NUP107: variants seen among roughly 807,000 people sequenced by gnomAD.
The protein encoded by NUP107 is nuclear pore complex protein Nup107.
Under a neutral mutation model 141.0 loss-of-function variants are expected in NUP107, and 101 were observed. The observed-to-expected ratio is 0.72, with a 90% CI of 0.61 to 0.84. The LOEUF (loss-of-function observed/expected upper bound fraction) is 0.84, where lower values mean the gene tolerates loss of function less well. Among genes scored for constraint, NUP107 ranks in the 40% least tolerant of loss-of-function variants. The probability of loss-of-function intolerance (pLI) is 0.00; values close to 1 mark genes in which losing one functional copy is unlikely to be tolerated. For missense variants in NUP107, 941 were observed against 1,102.7 expected (o/e 0.85, Z 2.08); for synonymous variants, 319 against 363.9 (o/e 0.88, Z 1.41).
At chr12:68,728,417 CTG>C (rs1354319078) in intron 20 of NUP107, among the ~76,000 whole-genome samples, 3 of 137,690 alleles carry the variant, frequency 2.2e-5, no homozygotes, top group Non-Finnish European at 4.6e-5. Context: ...CAGCGAAAAC[CTG>C]TCTTTTTTTT....
chr12:68,698,868 A>T (rs575205074), intron 6 of NUP107, among the ~76,000 whole-genome samples: 1 of 152,206 alleles, frequency 6.6e-6, no homozygotes, highest in Non-Finnish European at 1.5e-5. Context: ...ACATGTCAGT[A>T]TACATTTATC....
chr12:68,712,944 A>G (rs993507056), intron 10 of NUP107, among the ~76,000 whole-genome samples: 7 of 152,240 alleles, frequency 4.6e-5, no homozygotes, highest in Admixed American at 6.5e-5. Context: ...GCTAAAAACC[A>G]TAAAGCTTTT....
At chr12:68,721,509 T>C (rs1877348142) in intron 15 of NUP107, among the ~76,000 whole-genome samples, 1 of 152,172 alleles carries the variant, frequency 6.6e-6, no homozygotes, top group African/African-American at 2.4e-5. Context: ...CAGTGAGTCC[T>C]TGGGTTGTCT....
At chr12:68,731,409 A>G (rs534544895) in intron 21 of NUP107, 149 bp downstream of exon 21, 18 of 821,400 alleles carry the variant, frequency 2.2e-5, no homozygotes, top group East Asian at 1.2e-4. Context: ...TTTTAGGACT[A>G]AAGTTACTTA....
At chr12:68,735,107 T>G in intron 25 of NUP107, 124 bp from the exon 26 acceptor site, 1 of 754,326 alleles carries the variant, frequency 1.3e-6, no homozygotes. Flanking sequence ...ATTTTTGTAC[T>G]TGGCAGACTG....
chr12:68,688,040 AG>A (rs1438350726), intron 1 of NUP107, among the ~76,000 whole-genome samples: 1 of 152,212 alleles, frequency 6.6e-6, no homozygotes, highest in Admixed American at 6.5e-5. Flanking sequence ...ATGAAAAAAA[AG>A]TACGTGTAGC....
At chr12:68,729,697 C>A (rs1877730537) in intron 20 of NUP107, among the ~76,000 whole-genome samples, 2 of 152,062 alleles carry the variant, frequency 1.3e-5, no homozygotes, top group South Asian at 2.1e-4. Flanking sequence ...GCAGCCTCGG[C>A]CTTCCAAAGT....
At position 68,690,670 on chromosome 12, in the gene NUP107, T is replaced by C; in HGVS notation, c.227T>C (p.Ile76Thr). ...CGAAGCTTACTAAGGCAGCCAGATA[T>C]TTCCTGCATTCTTGGAACAGGAGGG... ...TSRSLLRQPD[I>T]SCILGTGGKS... Residue 76 changes from isoleucine to threonine, a missense_variant, in exon 4 of 28, where the codon ATT becomes ACT. Physicochemically the swap from Ile to Thr is moderately conservative, Grantham distance 89 (BLOSUM62 -1). Coordinates refer to ENST00000229179, the MANE Select transcript of NUP107 (RefSeq NM_020401.4). The C allele has an allele frequency of 1.2e-6, 2 of 1,614,156 alleles. No homozygotes were observed. Among genetic ancestry groups the C allele is most frequent in the Non-Finnish European group, 1.7e-6 (2 of 1,179,994 alleles).
rs566307501 is a variant in NUP107 at position 68,711,129 on chromosome 12, G to A, written c.890+1036G>A. 2.1e-4 allele frequency among the ~76,000 whole-genome samples: 31 copies of A among 149,916 alleles called. No homozygotes were observed. The East Asian group carries it at 6.1e-3, about 30-fold the overall frequency. The stretch of plus-strand genomic sequence containing the variant: ...AATTAGCCAGGCGTGGTGGCGGGCG[G>A]ATCACGAAGTCAGGAGATCAAGACC... On this transcript the variant is annotated intron_variant, in intron 10 of 27. Coordinates refer to ENST00000229179, the MANE Select transcript of NUP107 (RefSeq NM_020401.4).
chr12:68,739,294 G>T lies in NUP107; in HGVS notation c.2503-2519G>T, dbSNP rs568424924. Among the ~76,000 whole-genome samples the T allele has an allele frequency of 7.2e-5, 11 of 152,218 alleles. No homozygotes were observed. The East Asian group carries it at 2.1e-3, about 29-fold the overall frequency. Reference sequence around the variant, plus strand: ...TGATATAAAACATATTAATTTATTTGCTTTTTGTATGTCTACCCTCATTAG... The same window carrying T: ...TGATATAAAACATATTAATTTATTTTCTTTTTGTATGTCTACCCTCATTAG... On this transcript the variant is annotated intron_variant, in intron 26 of 27. Transcript: ENST00000229179.
chr12:68,690,408 G>A (rs1745755439), intron 3 of NUP107: 1 of 576,502 alleles, frequency 1.7e-6, no homozygotes, highest in Non-Finnish European at 3.0e-6. Context: ...TGTAATTGCA[G>A]TAAAATGTTT....
chr12:68,687,257 G>A (rs1000921640), intron 1 of NUP107, 184 bp downstream of exon 1: 1 of 858,242 alleles, frequency 1.2e-6, no homozygotes, highest in African/African-American at 1.7e-5. Context: ...CGTGCGTCGG[G>A]GTGGGGTACA....
intron 17 of NUP107, among the ~76,000 whole-genome samples, chr12:68,724,672 C>T (rs1465806215): frequency 1.3e-5 from 2 of 151,930 alleles, no homozygotes; most frequent in East Asian, 1.9e-4. Context: ...CCCAGCTTCT[C>T]AGGAGGCTGA....
rs1877843994 is a variant in NUP107, at chr12:68,731,805, G to A, written c.1998+86G>A. 5.3e-6 allele frequency: 4 copies of A among 749,056 alleles called. No homozygotes were observed. In the East Asian group the frequency reaches 1.2e-4, roughly 23 times the overall value. 46.4% of individuals were successfully genotyped at this position (749,056 alleles called of 1,614,324 possible). ...TTGGTGAACTTCTCCCTTCGTAAAA[G>A]AAGTTCTATTAGGTTTTCTTTTTTA... On this transcript the variant is annotated intron_variant, in intron 22 of 27. Coordinates refer to ENST00000229179, the MANE Select transcript of NUP107 (RefSeq NM_020401.4).
intron 10 of NUP107, among the ~76,000 whole-genome samples, chr12:68,712,222 C>T (rs1031989213): frequency 1.3e-5 from 2 of 151,918 alleles, no homozygotes; most frequent in African/African-American, 4.8e-5. Context: ...GTGGCTCACA[C>T]CTGTAATCCT....
At position 68,731,132 on chromosome 12, in the gene NUP107, C is replaced by T. The variant is rs759882283; in HGVS notation, c.1757C>T (p.Thr586Ile). 1.9e-6 allele frequency: 3 copies of T among 1,592,718 alleles called. No individual in the cohort carries two copies. The highest frequency in any genetic ancestry group is 1.8e-5 in the Admixed American group (1 of 55,162). The change falls in exon 21 of 28, where the codon ACA becomes ATA. Residue 586 changes from threonine to isoleucine, a missense_variant. Coordinates refer to ENST00000229179, the MANE Select transcript of NUP107 (RefSeq NM_020401.4). ...YIQLLIREKH[T>I]NLIAFYTCHL... ...TAGCTTTTAATAAGAGAGAAACATA[C>T]AAATCTTATAGCATTTTATACCTGT...
In NUP107 at chr12:68,692,125, T is replaced by A; in HGVS notation, c.448+13T>A. ...CCTGGAGAAGCTGGTAAAATGGCATTGAGCTTTGTGACAAGTAGCTTTTCA... is the reference window on the plus strand; with the variant it reads ...CCTGGAGAAGCTGGTAAAATGGCATAGAGCTTTGTGACAAGTAGCTTTTCA... On this transcript the variant is annotated intron_variant, in intron 5 of 27. Transcript: ENST00000229179. The A allele has an allele frequency of 6.4e-7, 1 of 1,562,088 alleles. No individual in the cohort carries two copies. The highest frequency in any genetic ancestry group is 2.3e-5 in the East Asian group (1 of 43,748).
intron 26 of NUP107, among the ~76,000 whole-genome samples, chr12:68,740,612 C>G (rs1392760922): frequency 1.3e-5 from 2 of 152,002 alleles, no homozygotes; most frequent in Admixed American, 1.3e-4. Flanking sequence ...TTAATATAGC[C>G]TCTCACATGA....
At chr12:68,687,426 T>C in intron 1 of NUP107, 1 of 1,096,454 alleles carries the variant, frequency 9.1e-7, no homozygotes, top group Non-Finnish European at 1.1e-6. Context: ...GTGAAGATAC[T>C]GGGATCTCAG....
Sources: allele counts gnomAD v4.1 joint callset (sites outside exome capture counted in the v4.1 genomes callset), GRCh38; gene constraint gnomAD v4.1.1; transcripts MANE v1.5; gene names NCBI Gene and HGNC (gene_info 2026-07-23, HGNC 2026-07-21).